Variants in SHISA6 observed in about 807,000 individuals in gnomAD.
SHISA6 encodes shisa family member 6, also known as protein shisa-6.
SHISA6 carries 22 observed loss-of-function variants against 47.9 expected under a neutral mutation model. The ratio of observed to expected loss-of-function variants is 0.46; its 90% CI spans 0.33 to 0.66. SHISA6 has a LOEUF of 0.66. Ranked by LOEUF, SHISA6 falls within the 30% of genes least tolerant of loss-of-function variation. The probability of loss-of-function intolerance (pLI) is 0.02; values close to 1 mark genes in which losing one functional copy is unlikely to be tolerated. For missense variants in SHISA6, 680 were observed against 764.6 expected (o/e 0.89, Z 1.30); for synonymous variants, 388 against 337.8 (o/e 1.15, Z -1.63).
chr17:11,464,102 A>G (rs919920224), intron 3 of SHISA6, among the ~76,000 whole-genome samples: 1 of 151,974 alleles, frequency 6.6e-6, no homozygotes. Flanking sequence ...TTTTTTTTAG[A>G]GATGGGGTCT....
intron 2 of SHISA6, among the ~76,000 whole-genome samples, chr17:11,303,373 G>A (rs1909993543): frequency 6.6e-6 from 1 of 152,008 alleles, no homozygotes; most frequent in Admixed American, 6.6e-5. Context: ...GGTGTTTTGT[G>A]CATGATTCTG....
At chr17:11,321,244 T>A (rs1910709838) in intron 2 of SHISA6, among the ~76,000 whole-genome samples, 1 of 152,176 alleles carries the variant, frequency 6.6e-6, no homozygotes, top group Admixed American at 6.5e-5. Context: ...ATCGTATGTA[T>A]CAGGAAAGCT....
chr17:11,425,864 C>T (rs985878850), intron 3 of SHISA6, among the ~76,000 whole-genome samples: 5 of 152,192 alleles, frequency 3.3e-5, no homozygotes, highest in Admixed American at 2.6e-4. Context: ...AATCTCTTCC[C>T]CTGCAGCCCC....
At chr17:11,426,746 G>C (rs1054199048) in intron 3 of SHISA6, among the ~76,000 whole-genome samples, 3 of 152,118 alleles carry the variant, frequency 2.0e-5, no homozygotes, top group Non-Finnish European at 4.4e-5. Context: ...TGTTGGATGC[G>C]ACTCTCACGG....
In SHISA6 at chr17:11,241,432, C is replaced by T; in HGVS notation, c.10C>T (p.Arg4Trp). MALRRLLLLLLLSL... is the reference protein window; with the variant it reads MALWRLLLLLLLSL... ...CCCGCCCGGCCCCGCCATGGCGCTG[C>T]GGCGCCTCCTGCTGCTGCTGCTGCT... Residue 4 changes from arginine (R) to tryptophan (W), a missense_variant, in exon 1 of 6, where the codon CGG becomes TGG. Physicochemically the swap from Arg to Trp is moderately radical, Grantham distance 101. Transcript: ENST00000441885. The surrounding 1 kb of genome is among the most constrained non-coding windows in gnomAD (Gnocchi z 5.5). 2 of 1,186,702 alleles carry T rather than the reference C, an allele frequency of 1.7e-6. No homozygotes were observed. Among genetic ancestry groups the T allele is most frequent in the South Asian group, 1.8e-5 (1 of 56,542 alleles). 73.5% of individuals were successfully genotyped at this position (1,186,702 alleles called of 1,614,324 possible).
chr17:11,318,794 C>T (rs1910608037), intron 2 of SHISA6, among the ~76,000 whole-genome samples: 1 of 152,124 alleles, frequency 6.6e-6, no homozygotes, highest in Non-Finnish European at 1.5e-5. Flanking sequence ...GACAAATATC[C>T]TCATAAGGTA....
At chr17:11,351,316 C>CA (rs1911882643) in intron 2 of SHISA6, among the ~76,000 whole-genome samples, 1 of 152,050 alleles carries the variant, frequency 6.6e-6, no homozygotes, top group African/African-American at 2.4e-5. Flanking sequence ...AATAAATAAA[C>CA]AAAAAATACT....
chr17:11,281,612 T>C (rs1909122304), intron 2 of SHISA6, among the ~76,000 whole-genome samples: 1 of 152,246 alleles, frequency 6.6e-6, no homozygotes, highest in East Asian at 1.9e-4. Context: ...TCCATAGTTC[T>C]GTTTTCTTGT....
At chr17:11,408,829 C>T (rs531812145) in intron 3 of SHISA6, among the ~76,000 whole-genome samples, 2 of 152,142 alleles carry the variant, frequency 1.3e-5, no homozygotes, top group Non-Finnish European at 2.9e-5. Context: ...GCCTTATTGA[C>T]GTGATGATAT....
intron 3 of SHISA6, among the ~76,000 whole-genome samples, chr17:11,490,187 TG>T (rs1453001865): frequency 3.3e-5 from 5 of 152,134 alleles, no homozygotes; most frequent in African/African-American, 9.7e-5. Context: ...TCATAGTTCC[TG>T]GGTAGAGAGA....
intron 2 of SHISA6, among the ~76,000 whole-genome samples, chr17:11,267,793 C>A (rs918966359): frequency 6.6e-6 from 1 of 152,240 alleles, no homozygotes; most frequent in African/African-American, 2.4e-5. Context: ...GTGGAAGACT[C>A]AGGCTTATCT....
At chr17:11,385,282 G>C (rs1913155210) in intron 3 of SHISA6, among the ~76,000 whole-genome samples, 1 of 152,128 alleles carries the variant, frequency 6.6e-6, no homozygotes, top group East Asian at 1.9e-4. Flanking sequence ...AGGAACAACT[G>C]TGCTTTGCCT....
At chr17:11,307,809 G>C (rs1910178048) in intron 2 of SHISA6, among the ~76,000 whole-genome samples, 1 of 152,188 alleles carries the variant, frequency 6.6e-6, no homozygotes, top group Non-Finnish European at 1.5e-5. Context: ...AATAATGTGA[G>C]TAAAGGGATA....
chr17:11,353,946 A>G (rs2142223236), intron 2 of SHISA6, among the ~76,000 whole-genome samples: 1 of 152,242 alleles, frequency 6.6e-6, no homozygotes, highest in South Asian at 2.1e-4. Flanking sequence ...TTCTTTCCTA[A>G]GAGAACCCCC....
chr17:11,333,442 A>G (rs1248193884), intron 2 of SHISA6, among the ~76,000 whole-genome samples: 1 of 152,132 alleles, frequency 6.6e-6, no homozygotes, highest in Non-Finnish European at 1.5e-5. Context: ...CAGGAGCTGG[A>G]GCTTGAGTTA....
intron 3 of SHISA6, among the ~76,000 whole-genome samples, chr17:11,419,575 G>T (rs1914393308): frequency 6.6e-6 from 1 of 152,112 alleles, no homozygotes; most frequent in South Asian, 2.1e-4. Context: ...CTTTTGTGTG[G>T]CTCTTAAAAA....
intron 3 of SHISA6, among the ~76,000 whole-genome samples, chr17:11,391,133 A>G (rs1481021025): frequency 6.6e-6 from 1 of 152,190 alleles, no homozygotes; most frequent in Non-Finnish European, 1.5e-5. Flanking sequence ...CAAAGACATG[A>G]TCATGGAAAT....
At chr17:11,490,634 G>A (rs887631888) in intron 3 of SHISA6, among the ~76,000 whole-genome samples, 6 of 152,138 alleles carry the variant, frequency 3.9e-5, no homozygotes, top group African/African-American at 9.7e-5. Flanking sequence ...TGGTGACTTC[G>A]GATCCATATT....
At chr17:11,434,031 T>C (rs996097797) in intron 3 of SHISA6, among the ~76,000 whole-genome samples, 15 of 151,520 alleles carry the variant, frequency 9.9e-5, no homozygotes, top group Admixed American at 2.6e-4. Flanking sequence ...CCCAGGACAC[T>C]CCTTGTTTGG....
Sources: allele counts gnomAD v4.1 joint callset (sites outside exome capture counted in the v4.1 genomes callset), GRCh38; gene constraint gnomAD v4.1.1; non-coding constraint Gnocchi (gnomAD v3.1); transcripts MANE v1.5; gene names NCBI Gene and HGNC (gene_info 2026-07-23, HGNC 2026-07-21).